MAP9: variants seen among roughly 807,000 people sequenced by gnomAD.
The protein encoded by MAP9 is microtubule-associated protein 9.
A neutral mutation model predicts 75.2 loss-of-function variants in MAP9; 80 were observed. The ratio of observed to expected loss-of-function variants is 1.06; its 90% CI spans 0.89 to 1.28. The LOEUF (loss-of-function observed/expected upper bound fraction) is 1.28, where lower values mean the gene tolerates loss of function less well. MAP9 is among the 50% of genes most tolerant of loss of function. The pLI, the probability that MAP9 is intolerant of heterozygous loss-of-function variation, is 0.00. For missense variants in MAP9, 753 were observed against 719.9 expected (o/e 1.05, Z -0.53); for synonymous variants, 235 against 237.3 (o/e 0.99, Z 0.09).
Position 155,357,445 on chromosome 4 carries a change from T to A in MAP9, c.1121+4A>T. ...TAAATGACAAATATTGGTAACTTTA[T>A]TACCTGGCAGATGCACTGGATGCTC... On this transcript the variant is annotated splice_donor_region_variant and intron_variant, in intron 8 of 13. Coordinates refer to ENST00000311277, the MANE Select transcript of MAP9 (RefSeq NM_001039580.2). The A allele has an allele frequency of 6.5e-7, 1 of 1,536,070 alleles. No homozygotes were observed. Among genetic ancestry groups the A allele is most frequent in the Non-Finnish European group, 9.0e-7 (1 of 1,109,976 alleles).
chr4:155,361,928 ACT>A (rs1732099529), intron 6 of MAP9, 118 bp downstream of exon 6: 1 of 653,770 alleles, frequency 1.5e-6, no homozygotes, highest in African/African-American at 1.9e-5. Context: ...CAGGATTAAA[ACT>A]CAAACACATA....
chr4:155,369,328 T>TA lies in MAP9; in HGVS notation c.482-517dup, dbSNP rs201446447. Reference sequence around the variant, plus strand: ...TGGGTAATAAGAGCAAAAATCCATCTAAAAAAAAAAAAAAAACCAAACAAC... The same window carrying TA: ...TGGGTAATAAGAGCAAAAATCCATCTAAAAAAAAAAAAAAAAACCAAACAAC... On this transcript the variant is annotated intron_variant, in intron 4 of 13. Transcript: ENST00000311277. Among the ~76,000 whole-genome samples the TA allele has an allele frequency of 2.4e-3, 252 of 104,916 alleles. 2 individuals are homozygous for TA. The highest frequency in any genetic ancestry group is 0.011 in the Middle Eastern group (2 of 188). The allele number at this position is 104,916 out of a possible 152,430, so 68.8% of individuals were successfully genotyped here.
At chr4:155,365,807 G>A (rs1423182940) in intron 5 of MAP9, among the ~76,000 whole-genome samples, 22 of 151,606 alleles carry the variant, frequency 1.5e-4, no homozygotes, top group Admixed American at 1.3e-3. Context: ...TATATGTATC[G>A]AAAAATCACT....
rs548215064 is a variant in MAP9 at position 155,345,743 on chromosome 4, A to G, written c.*2040T>C. 2 of 152,298 alleles carry G rather than the reference A, an allele frequency of 1.3e-5. No homozygotes were observed. The highest frequency in any genetic ancestry group is 4.1e-4 in the South Asian group (2 of 4,826). The allele number at this position is 152,298 out of a possible 1,614,324, so 9.4% of individuals were successfully genotyped here. On this transcript the variant is annotated 3_prime_UTR_variant, in exon 14 of 14. Transcript: ENST00000311277. Reference sequence around the variant, plus strand: ...ACTAAATATGATAATGTAGAAGAAAATAATGGAAAGTAAATAAATAATGTG... The same window carrying G: ...ACTAAATATGATAATGTAGAAGAAAGTAATGGAAAGTAAATAAATAATGTG...
At chr4:155,355,349 T>C (rs1434203109) in intron 9 of MAP9, among the ~76,000 whole-genome samples, 189 bp from the exon 10 acceptor site, 3 of 152,084 alleles carry the variant, frequency 2.0e-5, no homozygotes, top group Non-Finnish European at 4.4e-5. Context: ...TATGTACGCC[T>C]AACAACATCT....
rs571560796 is a variant in MAP9, at chr4:155,351,919, A to G, written c.1821+677T>C. Among the ~76,000 whole-genome samples the G allele has an allele frequency of 4.6e-5, 7 of 152,104 alleles. No individual in the cohort carries two copies. In the East Asian group the frequency reaches 9.7e-4, roughly 21 times the overall value. Reference sequence around the variant, plus strand: ...ATATGAATGTGTTACCTACTTATGTAAAGTATTTATTCATAGTAATGTATT... The same window carrying G: ...ATATGAATGTGTTACCTACTTATGTGAAGTATTTATTCATAGTAATGTATT... On this transcript the variant is annotated intron_variant, in intron 13 of 13. Coordinates refer to ENST00000311277, the MANE Select transcript of MAP9 (RefSeq NM_001039580.2).
At chr4:155,363,756 TC>T (rs1732196927) in intron 5 of MAP9, among the ~76,000 whole-genome samples, 1 of 151,950 alleles carries the variant, frequency 6.6e-6, no homozygotes, top group Non-Finnish European at 1.5e-5. Context: ...AAAGATACAT[TC>T]TCCGGACCAC....
chr4:155,355,217 T>C (rs550424148), intron 9 of MAP9, 57 bp from the exon 10 acceptor site: 60 of 541,856 alleles, frequency 1.1e-4, no homozygotes, highest in African/African-American at 8.8e-4. Flanking sequence ...TGAATTAGAA[T>C]TCTTTATATT....
intron 5 of MAP9, among the ~76,000 whole-genome samples, chr4:155,363,485 G>A (rs2111248282): frequency 6.6e-6 from 1 of 152,146 alleles, no homozygotes; most frequent in East Asian, 1.9e-4. Context: ...AGCAGACAAG[G>A]ACTTTAAAAT....
intron 5 of MAP9, among the ~76,000 whole-genome samples, chr4:155,364,024 G>T (rs950294907): frequency 2.6e-5 from 4 of 152,034 alleles, no homozygotes; most frequent in African/African-American, 9.7e-5. Flanking sequence ...CATAAAGAAA[G>T]CTAGACCCAG....
intron 13 of MAP9, 159 bp downstream of exon 13, chr4:155,352,437 G>T: frequency 3.1e-6 from 2 of 652,486 alleles, no homozygotes. Context: ...CTAAGTCAAA[G>T]AAAATATGCT....
chr4:155,353,689 AT>A (rs1731630416), intron 10 of MAP9, among the ~76,000 whole-genome samples: 1 of 152,180 alleles, frequency 6.6e-6, no homozygotes, highest in Non-Finnish European at 1.5e-5. Context: ...AATTTTCATA[AT>A]AAAATATTTG....
intron 5 of MAP9, among the ~76,000 whole-genome samples, chr4:155,363,494 A>G (rs1246677171): frequency 1.3e-5 from 2 of 152,160 alleles, no homozygotes; most frequent in African/African-American, 4.8e-5. Context: ...GGACTTTAAA[A>G]TAGCTAATAT....
Position 155,360,275 on chromosome 4 carries a change from C to A in MAP9, c.943G>T (p.Glu315Ter). 1 of 1,613,174 alleles carries A rather than the reference C, an allele frequency of 6.2e-7. No homozygotes were observed. Among genetic ancestry groups the A allele is most frequent in the Non-Finnish European group, 8.5e-7 (1 of 1,179,380 alleles). ...SQVTADDLEE[E>*]KAKAELIMDD... Reference sequence around the variant, plus strand: ...ATAATCAGTTCCGCTTTTGCCTTTTCTTCTTCAAGGTCATCAGCAGTCACT... The same window carrying A: ...ATAATCAGTTCCGCTTTTGCCTTTTATTCTTCAAGGTCATCAGCAGTCACT... Residue 315 changes from glutamate (E) to a stop codon, truncating the protein, a stop_gained, in exon 7 of 14, where the codon GAA becomes TAA. Transcript: ENST00000311277. LOFTEE classifies it high-confidence loss of function.
chr4:155,375,221 G>C (rs1485904400), intron 2 of MAP9, among the ~76,000 whole-genome samples, 200 bp from the exon 3 acceptor site: 1 of 152,102 alleles, frequency 6.6e-6, no homozygotes. Flanking sequence ...TCACAGACAA[G>C]AGCCCTTCCT....
chr4:155,365,827 A>G (rs1457692343), intron 5 of MAP9, among the ~76,000 whole-genome samples: 1 of 152,030 alleles, frequency 6.6e-6, no homozygotes, highest in Non-Finnish European at 1.5e-5. Flanking sequence ...TATGTACCCC[A>G]TGTACAATTA....
chr4:155,363,867 G>A (rs1389911459), intron 5 of MAP9, among the ~76,000 whole-genome samples: 1 of 152,068 alleles, frequency 6.6e-6, no homozygotes, highest in Non-Finnish European at 1.5e-5. Context: ...AGAGATCAGT[G>A]AGATATAGCA....
chr4:155,344,406 A>T lies in MAP9; in HGVS notation c.*3377T>A, dbSNP rs186043503. The T allele has an allele frequency of 6.6e-6, 1 of 152,118 alleles. No homozygotes were observed. The highest frequency in any genetic ancestry group is 6.5e-5 in the Admixed American group (1 of 15,270). The allele number at this position is 152,118 out of a possible 1,614,324, so 9.4% of individuals were successfully genotyped here. A position where few individuals can be genotyped will look rare whatever the true frequency, so the allele number is the denominator to read the frequency against. ...CTCTAGATGTACCATAGTTAGTTGT[A>T]TGAGATTGGACAAGTCAAAGTACTT... is the stretch of plus-strand genomic sequence containing the variant. On this transcript the variant is annotated 3_prime_UTR_variant, in exon 14 of 14. Transcript: ENST00000311277.
At chr4:155,357,242 T>C in intron 8 of MAP9, 1 of 529,022 alleles carries the variant, frequency 1.9e-6, no homozygotes, top group Non-Finnish European at 3.4e-6. Flanking sequence ...CAATCAGTAA[T>C]AGACTTACTT....
Sources: allele counts gnomAD v4.1 joint callset (sites outside exome capture counted in the v4.1 genomes callset), GRCh38; gene constraint gnomAD v4.1.1; transcripts MANE v1.5; gene names NCBI Gene and HGNC (gene_info 2026-07-23, HGNC 2026-07-21).